SLC8A1: variants seen among roughly 807,000 people sequenced by gnomAD.
SLC8A1 encodes sodium/calcium exchanger 1.
In SLC8A1, 18 loss-of-function variants were observed where a neutral mutation model predicts 68.3. That is an observed-to-expected ratio of 0.26 (90% CI 0.18 to 0.39). The LOEUF (loss-of-function observed/expected upper bound fraction) is 0.39. Ranked by LOEUF, SLC8A1 falls within the 10% of genes least tolerant of loss-of-function variation. SLC8A1 has a pLI of 1.00. For missense variants in SLC8A1, 985 were observed against 1,156.7 expected, an observed-to-expected ratio of 0.85 and a Z score of 2.15; for synonymous variants, 475 against 415.5, an observed-to-expected ratio of 1.14 and a Z score of -1.74.
intron 2 of SLC8A1, among the ~76,000 whole-genome samples, chr2:40,394,569 A>G (rs563424989): frequency 7.9e-5 from 12 of 152,216 alleles, no homozygotes; most frequent in African/African-American, 2.6e-4. Context: ...TATACAGAGC[A>G]TATAGTGGAT....
chr2:40,289,448 C>G (rs2068895271), intron 2 of SLC8A1, among the ~76,000 whole-genome samples: 1 of 152,044 alleles, frequency 6.6e-6, no homozygotes, highest in Non-Finnish European at 1.5e-5. Context: ...CTTTGAATCC[C>G]TAAATGCCTT....
At chr2:40,365,938 A>G (rs1676033090) in intron 2 of SLC8A1, among the ~76,000 whole-genome samples, 1 of 151,774 alleles carries the variant, frequency 6.6e-6, no homozygotes. Context: ...CAAAGCTTCA[A>G]TGAGCTATAA....
intron 7 of SLC8A1, among the ~76,000 whole-genome samples, chr2:40,124,913 G>T (rs1427043604): frequency 6.6e-6 from 1 of 152,136 alleles, no homozygotes; most frequent in South Asian, 2.1e-4. Flanking sequence ...GTAAATATTT[G>T]CTATATATCT....
chr2:40,314,394 G>A (rs62150812), intron 2 of SLC8A1, among the ~76,000 whole-genome samples: 1 of 151,564 alleles, frequency 6.6e-6, no homozygotes, highest in African/African-American at 2.4e-5. Flanking sequence ...ACACTAGCTT[G>A]GTACCTGAAA....
intron 2 of SLC8A1, among the ~76,000 whole-genome samples, chr2:40,309,147 G>A (rs1024880469): frequency 1.3e-5 from 2 of 152,144 alleles, no homozygotes; most frequent in South Asian, 2.1e-4. Flanking sequence ...TTTAGCTTTT[G>A]AGGGGACACA....
chr2:40,398,312 T>C (rs74512635), intron 2 of SLC8A1, among the ~76,000 whole-genome samples: 1,979 of 152,288 alleles, frequency 0.013, 43 homozygotes, highest in African/African-American at 0.044. Context: ...GCAGAGTCTT[T>C]TGACCTATGT....
At chr2:40,205,620 G>C (rs1207739274) in intron 2 of SLC8A1, among the ~76,000 whole-genome samples, 1 of 151,876 alleles carries the variant, frequency 6.6e-6, no homozygotes, top group Non-Finnish European at 1.5e-5. Flanking sequence ...ACACACAGAG[G>C]GGAACAACAC....
intron 2 of SLC8A1, among the ~76,000 whole-genome samples, chr2:40,271,304 T>C (rs559867298): frequency 6.6e-4 from 100 of 151,742 alleles, no homozygotes; most frequent in African/African-American, 2.3e-3. Context: ...CATGGCCCCC[T>C]TGCTGTTTCT....
intron 2 of SLC8A1, among the ~76,000 whole-genome samples, chr2:40,257,583 C>T (rs533736768): frequency 1.8e-4 from 27 of 152,234 alleles, no homozygotes; most frequent in African/African-American, 6.5e-4. Flanking sequence ...TCACTCAAAG[C>T]ACATTTTATC....
chr2:40,214,245 G>A (rs528674538), intron 2 of SLC8A1, among the ~76,000 whole-genome samples: 26 of 152,088 alleles, frequency 1.7e-4, no homozygotes, highest in Non-Finnish European at 1.5e-4. Context: ...TATGAATCAG[G>A]TGAAGTTTTC....
In SLC8A1 at chr2:40,138,356, T is replaced by C. The variant is rs1251213409; in HGVS notation, c.2437+1045A>G. Among the ~76,000 whole-genome samples the C allele has an allele frequency of 2.6e-5, 4 of 152,200 alleles. No homozygotes were observed. The South Asian group carries it at 6.2e-4, about 24-fold the overall frequency. On this transcript the variant is annotated intron_variant, in intron 7 of 7. Transcript: ENST00000406785. ...AAACAAAGTGACTATCTCAGGACTG[T>C]GGGAAATATGGAAAGTGGACAGTGA...
intron 7 of SLC8A1, among the ~76,000 whole-genome samples, chr2:40,121,240 C>T (rs568663858): frequency 2.0e-5 from 3 of 152,202 alleles, no homozygotes; most frequent in African/African-American, 7.2e-5. Context: ...TAACAAGCGG[C>T]CTAGGTTGTT....
intron 2 of SLC8A1, among the ~76,000 whole-genome samples, chr2:40,206,316 A>G (rs1413818430): frequency 1.3e-5 from 2 of 152,064 alleles, no homozygotes; most frequent in East Asian, 1.9e-4. Flanking sequence ...TCACTTCATC[A>G]TCTTGGAACA....
chr2:40,236,583 G>C (rs2060406432), intron 2 of SLC8A1, among the ~76,000 whole-genome samples: 1 of 149,908 alleles, frequency 6.7e-6, no homozygotes, highest in South Asian at 2.1e-4. Flanking sequence ...TTTAATTGGA[G>C]CATTTAGTCC....
At chr2:40,405,136 A>C (rs1689928717) in intron 2 of SLC8A1, among the ~76,000 whole-genome samples, 1 of 152,276 alleles carries the variant, frequency 6.6e-6, no homozygotes, top group South Asian at 2.1e-4. Context: ...AGAAGGGGAA[A>C]AGTGTCAGGG....
At chr2:40,424,005 C>T (rs922978136) in intron 2 of SLC8A1, among the ~76,000 whole-genome samples, 12 of 151,884 alleles carry the variant, frequency 7.9e-5, no homozygotes, top group Admixed American at 1.3e-4. Flanking sequence ...TACATTAATA[C>T]ATTACCTAGG....
chr2:40,165,473 G>A (rs2046391037), intron 4 of SLC8A1, among the ~76,000 whole-genome samples: 1 of 152,096 alleles, frequency 6.6e-6, no homozygotes. Flanking sequence ...AAAGAGATGG[G>A]GAACAGGAAA....
intron 4 of SLC8A1, among the ~76,000 whole-genome samples, chr2:40,174,068 C>T (rs1236522280): frequency 6.6e-6 from 1 of 152,034 alleles, no homozygotes; most frequent in African/African-American, 2.4e-5. Flanking sequence ...TTATAGAATA[C>T]TTTGTAATAT....
chr2:40,380,244 G>T (rs929249318), intron 2 of SLC8A1, among the ~76,000 whole-genome samples: 1 of 152,118 alleles, frequency 6.6e-6, no homozygotes. Context: ...AGGCCATGCT[G>T]ATAGACAGCA....
Sources: gnomAD v4.1 joint callset for allele counts (sites outside exome capture counted in the v4.1 genomes callset) on GRCh38, gnomAD v4.1.1 for gene constraint, MANE v1.5 for transcripts, NCBI Gene and HGNC (gene_info 2026-07-23, HGNC 2026-07-21) for gene names.